CLK1: variants seen among roughly 807,000 people sequenced by gnomAD.
CLK1 encodes dual specificity protein kinase CLK1.
CLK1 carries 40 observed loss-of-function variants against 60.9 expected under a neutral mutation model. That is an observed-to-expected ratio of 0.66 (90% confidence interval 0.51 to 0.86). The LOEUF (loss-of-function observed/expected upper bound fraction) is 0.86. CLK1 is among the 40% of genes least tolerant of loss of function. CLK1 has a pLI of 0.00. For synonymous variants in CLK1, 203 were observed against 184.4 expected (o/e 1.10, Z -0.82); for missense variants, 563 against 606.1 (o/e 0.93, Z 0.75).
rs1559324874 is a variant in CLK1, at chr2:200,853,322, A to C, written c.1439T>G (p.Leu480Arg). ...ATTACAGATCTATATACTTTTCTTCAGAAGGTCAAAGAAAGGATGCTTTAA... is the reference window on the plus strand; with the variant it reads ...ATTACAGATCTATATACTTTTCTTCCGAAGGTCAAAGAAAGGATGCTTTAA... ...EALKHPFFDL[L>R]KKSI is the part of the protein sequence containing the mutation. Residue 480 changes from leucine (L) to arginine (R), a missense_variant, in exon 13 of 13, where the codon CTG becomes CGG. Coordinates refer to ENST00000321356, the MANE Select transcript of CLK1 (RefSeq NM_004071.4). 1 of 1,610,770 alleles carries C rather than the reference A, an allele frequency of 6.2e-7. No individual in the cohort carries two copies. The highest frequency in any genetic ancestry group is 8.5e-7 in the Non-Finnish European group (1 of 1,178,660).
chr2:200,854,504 C>A, intron 11 of CLK1, 112 bp downstream of exon 11: 3 of 678,582 alleles, frequency 4.4e-6, no homozygotes, highest in Non-Finnish European at 7.7e-6. Context: ...CCACTGCACT[C>A]CAGCCTGGGC....
In CLK1 at chr2:200,853,341, G is replaced by T. The variant is rs369175581; in HGVS notation, c.1420C>A (p.His474Asn). ...KRITLREALK[H>N]PFFDLLKKSI ...TTCTTCAGAAGGTCAAAGAAAGGAT[G>T]CTTTAAGGCTTCTCTGAGAGTAATT... is the stretch of plus-strand genomic sequence containing the variant. The change falls in exon 13 of 13, where the codon CAT (histidine) becomes AAT (asparagine). Residue 474 changes from histidine to asparagine, a missense_variant. Physicochemically the swap from His to Asn is moderately conservative, Grantham distance 68 (BLOSUM62 1). Coordinates refer to ENST00000321356, the MANE Select transcript of CLK1 (RefSeq NM_004071.4). The T allele has an allele frequency of 1.9e-6, 3 of 1,612,320 alleles. No homozygotes were observed. The highest frequency in any genetic ancestry group is 1.7e-6 in the Non-Finnish European group (2 of 1,179,154).
rs746477439 is a variant in CLK1, at chr2:200,853,912, T to C, written c.1302A>G (p.Lys434=). The part of the protein sequence containing the change: ...SAGRYVSRRC[K]PLKEFMLSQD... ...TGTCTCAAAGGCTTACCTTCAGAGGTTTACAGCGTCTTGAAACATATCTGC... is the reference window on the plus strand; with the variant it reads ...TGTCTCAAAGGCTTACCTTCAGAGGCTTACAGCGTCTTGAAACATATCTGC... Residue 434 remains lysine (K), a synonymous_variant, in exon 12 of 13, where the codon AAA becomes AAG. Transcript: ENST00000321356. 16 of 1,609,770 alleles carry C rather than the reference T, an allele frequency of 9.9e-6. No individual in the cohort carries two copies. In the South Asian group the frequency reaches 1.8e-4, roughly 18 times the overall value.
intron 1 of CLK1, among the ~76,000 whole-genome samples, chr2:200,863,697 T>C (rs539913573): frequency 3.3e-5 from 5 of 152,004 alleles, no homozygotes; most frequent in South Asian, 4.2e-4. Flanking sequence ...CTACTAAAAA[T>C]ACAAACATTA....
rs1297489073 is a variant in CLK1, at chr2:200,856,980, G to T, written c.838C>A (p.His280Asn). 1 of 1,612,682 alleles carries T rather than the reference G, an allele frequency of 6.2e-7. No individual in the cohort carries two copies. Among genetic ancestry groups the T allele is most frequent in the Non-Finnish European group, 8.5e-7 (1 of 1,178,970 alleles). ...YQICKSVNFL[H>N]SNKLTHTDLK... ...TCTGTGTGAGTCAACTTATTACTGT[G>T]CAAAACTGAGAATAAAGAGAAAGTT... The change falls in exon 8 of 13, where the codon CAC becomes AAC. Residue 280 changes from histidine to asparagine, a missense_variant. Coordinates refer to ENST00000321356, the MANE Select transcript of CLK1 (RefSeq NM_004071.4).
At position 200,857,849 on chromosome 2, in the gene CLK1, T is replaced by C; in HGVS notation, c.701A>G (p.His234Arg). 1.2e-6 allele frequency: 2 copies of C among 1,613,774 alleles called. No homozygotes were observed. The highest frequency in any genetic ancestry group is 2.2e-5 in the East Asian group (1 of 44,870). Reference sequence around the variant, plus strand: ...TTCAAAAACAATGCAAATGTGACCATGATGCTCAAACCATTCCAACATCTG... The same window carrying C: ...TTCAAAAACAATGCAAATGTGACCACGATGCTCAAACCATTCCAACATCTG... ...CVQMLEWFEH[H>R]GHICIVFELL... The change falls in exon 7 of 13, where the codon CAT becomes CGT. Residue 234 changes from histidine to arginine, a missense_variant. By Grantham distance (29) the His-to-Arg change is conservative. Around this residue, in one of 3 missense-constraint regions of CLK1, gnomAD observed 360 missense variants for 407.0 expected, o/e 0.88. Coordinates refer to ENST00000321356, the MANE Select transcript of CLK1 (RefSeq NM_004071.4).
At position 200,859,748 on chromosome 2, in the gene CLK1, TAA is replaced by T; in HGVS notation, c.482-4_482-3del. ...CACCTAAAGTATCAACAATTTCATC[TAA>T]AAGAGAGAAATAAATCTCAGTCATA... On this transcript the variant is annotated splice_region_variant and splice_polypyrimidine_tract_variant and intron_variant, in intron 4 of 12. Coordinates refer to ENST00000321356, the MANE Select transcript of CLK1 (RefSeq NM_004071.4). The T allele has an allele frequency of 6.2e-7, 1 of 1,612,838 alleles. No homozygotes were observed. Among genetic ancestry groups the T allele is most frequent in the Non-Finnish European group, 8.5e-7 (1 of 1,179,274 alleles).
At chr2:200,858,306 T>A in intron 5 of CLK1, 1 of 553,072 alleles carries the variant, frequency 1.8e-6, no homozygotes, top group Non-Finnish European at 3.2e-6. Flanking sequence ...GCTAAACAAC[T>A]TCTTCCTATA....
rs759489524 is a variant in CLK1, at chr2:200,859,777, C to G, written c.482-31G>C. On this transcript the variant is annotated intron_variant, in intron 4 of 12. Coordinates refer to ENST00000321356, the MANE Select transcript of CLK1 (RefSeq NM_004071.4). The stretch of plus-strand genomic sequence containing the variant: ...AGAGAGAAATAAATCTCAGTCATAT[C>G]AAGAAGTGGAAACAATGTACTTATC... 1.9e-6 allele frequency: 3 copies of G among 1,609,748 alleles called. No homozygotes were observed. The South Asian group carries it at 3.3e-5, about 18-fold the overall frequency.
At chr2:200,857,262 C>T (rs542865718) in intron 7 of CLK1, 7 of 384,238 alleles carry the variant, frequency 1.8e-5, no homozygotes, top group Non-Finnish European at 3.3e-5. Context: ...GTGAAGACTG[C>T]GCCACTGCAC....
At chr2:200,854,276 C>A in intron 11 of CLK1, 1 of 345,030 alleles carries the variant, frequency 2.9e-6, no homozygotes, top group Non-Finnish European at 5.3e-6. Context: ...TGGCTCACGC[C>A]TGTAATCTCA....
At chr2:200,859,803 A>C in intron 4 of CLK1, 57 bp from the exon 5 acceptor site, 1 of 1,600,494 alleles carries the variant, frequency 6.2e-7, no homozygotes, top group South Asian at 1.1e-5. Flanking sequence ...TGTACTTATC[A>C]CAATAAATGC....
chr2:200,860,026 A>G, intron 4 of CLK1, 99 bp downstream of exon 4: 1 of 1,507,046 alleles, frequency 6.6e-7, no homozygotes, highest in South Asian at 1.3e-5. Context: ...CAAAAACAAA[A>G]AAGAGAAAGA....
At position 200,853,277 on chromosome 2, in the gene CLK1, C is replaced by A; in HGVS notation, c.*29G>T. On this transcript the variant is annotated 3_prime_UTR_variant, in exon 13 of 13. Transcript: ENST00000321356. ...ATTAGACTGATACAGTCTGTAAGAT[C>A]TCTTCGAGAGAGCTGTCCAATTACA... The A allele has an allele frequency of 6.4e-7, 1 of 1,554,254 alleles. No individual in the cohort carries two copies. The highest frequency in any genetic ancestry group is 1.2e-5 in the South Asian group (1 of 83,762).
intron 1 of CLK1, among the ~76,000 whole-genome samples, chr2:200,862,487 C>T (rs895862874): frequency 6.6e-6 from 1 of 151,932 alleles, no homozygotes; most frequent in African/African-American, 2.4e-5. Flanking sequence ...TTGTGAGATC[C>T]GCCCCCTGCT....
Position 200,856,985 on chromosome 2 carries a change from A to G in CLK1, c.833T>C (p.Phe278Ser). 6.2e-7 allele frequency: 1 copy of G among 1,612,356 alleles called. No homozygotes were observed. The change falls in exon 8 of 13, where the codon TTT becomes TCT. Residue 278 changes from phenylalanine to serine, a missense_variant and splice_region_variant. Transcript: ENST00000321356. Reference sequence around the variant, plus strand: ...GTGAGTCAACTTATTACTGTGCAAAACTGAGAATAAAGAGAAAGTTGCTGT... The same window carrying G: ...GTGAGTCAACTTATTACTGTGCAAAGCTGAGAATAAAGAGAAAGTTGCTGT... ...MAYQICKSVN[F>S]LHSNKLTHTD...
chr2:200,856,863 T>C, intron 8 of CLK1, 28 bp downstream of exon 8: 2 of 1,613,956 alleles, frequency 1.2e-6, no homozygotes, highest in Non-Finnish European at 1.7e-6. Context: ...AGGCATAAGA[T>C]ACTTTATGAA....
In CLK1 at chr2:200,856,827, G is replaced by A. The variant is rs1321004532; in HGVS notation, c.928-16C>T. ...CATCACGTTTCTGAAAATCATAAAT[G>A]ATGGTTAAGAAGGCATAAGCTATTA... On this transcript the variant is annotated splice_polypyrimidine_tract_variant and intron_variant, in intron 8 of 12. Coordinates refer to ENST00000321356, the MANE Select transcript of CLK1 (RefSeq NM_004071.4). The A allele has an allele frequency of 1.2e-6, 2 of 1,612,176 alleles. No individual in the cohort carries two copies. The highest frequency in any genetic ancestry group is 1.7e-5 in the Admixed American group (1 of 59,726).
In CLK1 at chr2:200,856,704, AT is replaced by A. The variant is rs1450477345; in HGVS notation, c.1034del (p.Tyr345LeufsTer8). On this transcript the variant is annotated frameshift_variant, in exon 9 of 13. Coordinates refer to ENST00000321356, the MANE Select transcript of CLK1 (RefSeq NM_004071.4). LOFTEE classifies it high-confidence loss of function. ...HHSTLVSTRH[Y>X]RAPEVILALG... ...CACCTAAAATAACTTCAGGTGCTCTATAATGTCTTGTAGATACCAATGTACT... is the reference window on the plus strand; with the variant it reads ...CACCTAAAATAACTTCAGGTGCTCTAAATGTCTTGTAGATACCAATGTACT... 1 of 1,602,662 alleles carries A rather than the reference AT, an allele frequency of 6.2e-7. No homozygotes were observed. Among genetic ancestry groups the A allele is most frequent in the Non-Finnish European group, 8.5e-7 (1 of 1,175,238 alleles).
Sources: allele counts gnomAD v4.1 joint callset (sites outside exome capture counted in the v4.1 genomes callset), GRCh38; gene constraint gnomAD v4.1.1; regional missense constraint gnomAD v4.1.1; transcripts MANE v1.5; gene names NCBI Gene and HGNC (gene_info 2026-07-23, HGNC 2026-07-21).